The following CNTN6 variants were observed in gnomAD, a reference collection of about 807,000 sequenced individuals.
CNTN6 encodes the protein contactin-6.
A neutral mutation model predicts 122.8 loss-of-function variants in CNTN6; 137 were observed. The observed-to-expected ratio is 1.12, with a 90% CI of 0.97 to 1.29. CNTN6 has a LOEUF of 1.29. CNTN6 is among the 50% of genes most tolerant of loss of function. CNTN6 has a pLI of 0.00. For missense variants in CNTN6, 1,634 were observed against 1,223.4 expected (o/e 1.34, Z -5.01); for synonymous variants, 570 against 426.0 (o/e 1.34, Z -4.16).
rs898917589 is a variant in CNTN6 at position 1,248,065 on chromosome 3, C to T, written c.358+20072C>T. On this transcript the variant is annotated intron_variant, in intron 4 of 22. Coordinates refer to ENST00000446702, the MANE Select transcript of CNTN6 (RefSeq NM_001289080.2). ...TTGGGTGGCTCTTCTTGGTGGAAGG[C>T]TCACAACCTGTAACTGACTCCAGAG... Among the ~76,000 whole-genome samples the T allele has an allele frequency of 1.1e-4, 16 of 152,188 alleles. No homozygotes were observed. In the East Asian group the frequency reaches 2.7e-3, roughly 26 times the overall value.
At chr3:1,232,695 C>A (rs2094367863) in intron 4 of CNTN6, among the ~76,000 whole-genome samples, 1 of 152,136 alleles carries the variant, frequency 6.6e-6, no homozygotes, top group Admixed American at 6.5e-5. Context: ...GTGAAGAGTC[C>A]TACCACCTAC....
rs1560054269 is a variant in CNTN6, at chr3:1,402,412, T to G, written c.2912T>G (p.Leu971Ter). The change falls in exon 22 of 23, where the codon TTA becomes TGA. Residue 971 changes from leucine (L) to a stop codon, truncating the protein, a stop_gained. Transcript: ENST00000446702. LOFTEE classifies it high-confidence loss of function. Reference sequence around the variant, plus strand: ...CTGGTTCCATTTGAAGAAGACTACTTAATTGAAATAAGAACAGTCAGTGAT... The same window carrying G: ...CTGGTTCCATTTGAAGAAGACTACTGAATTGAAATAAGAACAGTCAGTGAT... ...ELLVPFEEDYLIEIRTVSDGG... is the reference protein window; with the variant it reads ...ELLVPFEEDY 6.2e-7 allele frequency: 1 copy of G among 1,612,516 alleles called. No individual in the cohort carries two copies. Among genetic ancestry groups the G allele is most frequent in the East Asian group, 2.2e-5 (1 of 44,830 alleles).
chr3:1,220,847 G>T, intron 3 of CNTN6, 34 bp downstream of exon 3: 1 of 1,564,002 alleles, frequency 6.4e-7, no homozygotes, highest in Non-Finnish European at 8.6e-7. Flanking sequence ...ACACTATTTT[G>T]TTCTTCCTCA....
chr3:1,202,298 C>T (rs183915800), intron 2 of CNTN6, among the ~76,000 whole-genome samples: 1,990 of 152,238 alleles, frequency 0.013, 40 homozygotes, highest in East Asian at 0.089. Flanking sequence ...CCCAGCACTT[C>T]GGAAGGCCGA....
chr3:1,393,744 C>G (rs1694590128), intron 20 of CNTN6, among the ~76,000 whole-genome samples: 2 of 151,676 alleles, frequency 1.3e-5, no homozygotes, highest in East Asian at 1.9e-4. Flanking sequence ...ATACATAATC[C>G]CATCAACCAG....
intron 1 of CNTN6, among the ~76,000 whole-genome samples, chr3:1,113,900 T>C (rs1460295260): frequency 6.6e-6 from 1 of 152,188 alleles, no homozygotes; most frequent in East Asian, 1.9e-4. Context: ...TTCTAAGATA[T>C]CTCTCCATGA....
At chr3:1,286,504 A>G (rs1349118583) in intron 5 of CNTN6, among the ~76,000 whole-genome samples, 1 of 152,082 alleles carries the variant, frequency 6.6e-6, no homozygotes, top group African/African-American at 2.4e-5. Flanking sequence ...AGCTTCATCC[A>G]TGTCCCTGCA....
chr3:1,149,300 C>G (rs868435292), intron 2 of CNTN6, among the ~76,000 whole-genome samples: 3 of 152,166 alleles, frequency 2.0e-5, no homozygotes, highest in Non-Finnish European at 2.9e-5. Context: ...AGCCTCTCTT[C>G]TACCATACCA....
At chr3:1,123,998 T>A (rs896499921) in intron 1 of CNTN6, among the ~76,000 whole-genome samples, 3 of 151,990 alleles carry the variant, frequency 2.0e-5, no homozygotes, top group Non-Finnish European at 4.4e-5. Context: ...TCTGATTGTT[T>A]CCTTATGTTG....
At chr3:1,241,125 G>T (rs572152668) in intron 4 of CNTN6, among the ~76,000 whole-genome samples, 2 of 152,214 alleles carry the variant, frequency 1.3e-5, no homozygotes, top group South Asian at 4.1e-4. Flanking sequence ...AATGTCATCA[G>T]TTAAGGCTGT....
intron 2 of CNTN6, among the ~76,000 whole-genome samples, chr3:1,219,637 A>G (rs1336410977): frequency 6.6e-6 from 1 of 152,190 alleles, no homozygotes; most frequent in East Asian, 1.9e-4. Flanking sequence ...TTACCACATA[A>G]CTGCCTTGTG....
Position 1,295,797 on chromosome 3 carries a change from C to T in CNTN6, c.651C>T (p.Arg217=). Residue 217 remains arginine (R), a synonymous_variant, in exon 6 of 23, where the codon CGC becomes CGT. Transcript: ENST00000446702. Reference sequence around the variant, plus strand: ...GTCCACCCACTCCATTAGTGCAGCGCACTGATGGTAAGATAATGAGTTATC... The same window carrying T: ...GTCCACCCACTCCATTAGTGCAGCGTACTGATGGTAAGATAATGAGTTATC... ...VQGPPTPLVQ[R]TDGVMGEYEP... 1.9e-6 allele frequency: 3 copies of T among 1,613,204 alleles called. No homozygotes were observed. Among genetic ancestry groups the T allele is most frequent in the Non-Finnish European group, 2.5e-6 (3 of 1,179,206 alleles).
At chr3:1,288,565 C>T (rs1406516491) in intron 5 of CNTN6, among the ~76,000 whole-genome samples, 1 of 152,188 alleles carries the variant, frequency 6.6e-6, no homozygotes, top group African/African-American at 2.4e-5. Context: ...CCCAGTAAAT[C>T]TGAACACTAT....
intron 4 of CNTN6, among the ~76,000 whole-genome samples, chr3:1,233,091 C>G (rs1327584763): frequency 6.6e-6 from 1 of 152,060 alleles, no homozygotes; most frequent in Non-Finnish European, 1.5e-5. Context: ...TATATCCGGG[C>G]CTAATCTGCA....
intron 11 of CNTN6, among the ~76,000 whole-genome samples, chr3:1,333,971 G>T (rs1702686776): frequency 6.6e-6 from 1 of 152,100 alleles, no homozygotes; most frequent in African/African-American, 2.4e-5. Flanking sequence ...TGATAATTCA[G>T]ATTAAGTTAC....
intron 7 of CNTN6, among the ~76,000 whole-genome samples, chr3:1,321,333 T>C (rs996849431): frequency 1.1e-4 from 16 of 151,902 alleles, no homozygotes; most frequent in South Asian, 6.2e-4. Flanking sequence ...GCAAGTGTAC[T>C]TGTTTTTATT....
At chr3:1,274,503 T>C (rs979464500) in intron 4 of CNTN6, among the ~76,000 whole-genome samples, 1 of 152,164 alleles carries the variant, frequency 6.6e-6, no homozygotes, top group Non-Finnish European at 1.5e-5. Flanking sequence ...ACTTTTGTTA[T>C]TAAAAGTATA....
Position 1,385,813 on chromosome 3 carries a change from C to T in CNTN6, c.2704+16C>T. 1.3e-6 allele frequency: 2 copies of T among 1,580,626 alleles called. No individual in the cohort carries two copies. Among genetic ancestry groups the T allele is most frequent in the Non-Finnish European group, 1.7e-6 (2 of 1,165,254 alleles). Reference sequence around the variant, plus strand: ...AAAAAGTCTCGTAAGTATGCATACACTCCAGGAAACAAGATTCATCTGTGA... The same window carrying T: ...AAAAAGTCTCGTAAGTATGCATACATTCCAGGAAACAAGATTCATCTGTGA... On this transcript the variant is annotated intron_variant, in intron 20 of 22. Coordinates refer to ENST00000446702, the MANE Select transcript of CNTN6 (RefSeq NM_001289080.2).
At chr3:1,158,819 C>A (rs1271658340) in intron 2 of CNTN6, among the ~76,000 whole-genome samples, 1 of 24,102 alleles carries the variant, frequency 4.1e-5, no homozygotes, top group Non-Finnish European at 1.1e-4. Context: ...TATATATACA[C>A]ACACATATAT....
Sources: allele counts gnomAD v4.1 joint callset (sites outside exome capture counted in the v4.1 genomes callset), GRCh38; gene constraint gnomAD v4.1.1; transcripts MANE v1.5; gene names NCBI Gene and HGNC (gene_info 2026-07-23, HGNC 2026-07-21).